SNX29: variants seen among roughly 807,000 people sequenced by gnomAD.
The protein encoded by SNX29 is sorting nexin-29.
Under a neutral mutation model 102.1 loss-of-function variants are expected in SNX29, and 78 were observed. The observed-to-expected ratio is 0.76, with a 90% CI of 0.64 to 0.92. SNX29 has a LOEUF of 0.92. Ranked by LOEUF, SNX29 falls within the 40% of genes least tolerant of loss-of-function variation. The probability of loss-of-function intolerance (pLI) is 0.00; values close to 1 mark genes in which losing one functional copy is unlikely to be tolerated. For synonymous variants in SNX29, 580 were observed against 414.5 expected, an observed-to-expected ratio of 1.40 and a Z score of -4.85; for missense variants, 1,280 against 1,061.7, an observed-to-expected ratio of 1.21 and a Z score of -2.86.
At chr16:12,152,929 G>A (rs998006059) in intron 13 of SNX29, among the ~76,000 whole-genome samples, 7 of 152,152 alleles carry the variant, frequency 4.6e-5, no homozygotes, top group Non-Finnish European at 8.8e-5. Flanking sequence ...CGCACACAGT[G>A]GCAGGGCTGG....
chr16:12,548,607 G>C (rs890821280), intron 20 of SNX29, among the ~76,000 whole-genome samples: 1 of 152,170 alleles, frequency 6.6e-6, no homozygotes. Context: ...CGGGTACTCT[G>C]TCCAAGCCCC....
At chr16:12,290,250 G>C (rs984633468) in intron 15 of SNX29, among the ~76,000 whole-genome samples, 1 of 152,064 alleles carries the variant, frequency 6.6e-6, no homozygotes, top group Non-Finnish European at 1.5e-5. Context: ...ACCTTGCTCT[G>C]AGCATGTTTT....
chr16:12,108,252 G>A (rs75552275), intron 11 of SNX29, among the ~76,000 whole-genome samples: 2,440 of 152,348 alleles, frequency 0.016, 78 homozygotes, highest in African/African-American at 0.056. Context: ...GGAAGGGCCA[G>A]GACTGAGGTG....
intron 14 of SNX29, among the ~76,000 whole-genome samples, chr16:12,267,047 A>G (rs1163992865): frequency 6.6e-6 from 1 of 152,004 alleles, no homozygotes; most frequent in East Asian, 1.9e-4. Flanking sequence ...ACAGTGAGCC[A>G]CTCTGCGCAG....
chr16:12,185,587 C>G (rs1231048650), intron 13 of SNX29, among the ~76,000 whole-genome samples: 1 of 152,192 alleles, frequency 6.6e-6, no homozygotes, highest in Admixed American at 6.5e-5. Context: ...CTCCCTCTGT[C>G]TCTGCTGCAT....
chr16:12,324,701 C>T (rs1228378593), intron 15 of SNX29, among the ~76,000 whole-genome samples: 3 of 152,240 alleles, frequency 2.0e-5, no homozygotes, highest in Middle Eastern at 3.4e-3. Context: ...GCTCTATTCT[C>T]GGCCCCCAGC....
intron 20 of SNX29, among the ~76,000 whole-genome samples, chr16:12,562,306 G>T (rs989857878): frequency 6.6e-6 from 1 of 152,116 alleles, no homozygotes; most frequent in African/African-American, 2.4e-5. Flanking sequence ...CGTTATCGTT[G>T]GCTTTGTCCC....
chr16:11,982,575 G>A (rs764580498), intron 1 of SNX29, among the ~76,000 whole-genome samples: 2 of 151,810 alleles, frequency 1.3e-5, no homozygotes, highest in African/African-American at 2.4e-5. Flanking sequence ...GACTACAGGC[G>A]CTTGCAACCA....
At chr16:12,020,011 T>C (rs2056972221) in intron 3 of SNX29, among the ~76,000 whole-genome samples, 2 of 152,222 alleles carry the variant, frequency 1.3e-5, no homozygotes, top group Non-Finnish European at 2.9e-5. Flanking sequence ...TTTCATCTTA[T>C]GTTATAAAGA....
chr16:12,542,168 C>G (rs140368255), intron 20 of SNX29, among the ~76,000 whole-genome samples: 153 of 152,294 alleles, frequency 1.0e-3, no homozygotes, highest in African/African-American at 3.5e-3. Flanking sequence ...TGCTGGGTGT[C>G]AGGCCCTGTG....
chr16:12,313,432 C>T (rs1454659338), intron 15 of SNX29, among the ~76,000 whole-genome samples: 1 of 152,194 alleles, frequency 6.6e-6, no homozygotes, highest in African/African-American at 2.4e-5. Context: ...AGGATCACCC[C>T]AGGGCCTTTA....
At chr16:12,069,715 C>G (rs1286674164) in intron 10 of SNX29, among the ~76,000 whole-genome samples, 1 of 151,578 alleles carries the variant, frequency 6.6e-6, no homozygotes, top group Non-Finnish European at 1.5e-5. Flanking sequence ...CTTTTTGAGA[C>G]AGTCTCGCTG....
At chr16:12,134,352 TCTGAGGATGG>T (rs762901085) in intron 13 of SNX29, among the ~76,000 whole-genome samples, 3 of 152,230 alleles carry the variant, frequency 2.0e-5, no homozygotes, top group Admixed American at 6.5e-5. Context: ...GAATTAGGAC[TCTGAGGATGG>T]CTTAGCCAGG....
At chr16:12,320,304 G>A (rs1158288355) in intron 15 of SNX29, among the ~76,000 whole-genome samples, 1 of 152,112 alleles carries the variant, frequency 6.6e-6, no homozygotes, top group Non-Finnish European at 1.5e-5. Flanking sequence ...CCCTGCCATT[G>A]GAAGGGGCTT....
chr16:12,565,626 C>G (rs550060934), intron 20 of SNX29, among the ~76,000 whole-genome samples: 5 of 152,176 alleles, frequency 3.3e-5, no homozygotes, highest in Non-Finnish European at 7.4e-5. Flanking sequence ...GTGCCAGGCA[C>G]AGACATGTGA....
chr16:12,032,758 C>T (rs921081190), intron 4 of SNX29, among the ~76,000 whole-genome samples: 9 of 151,884 alleles, frequency 5.9e-5, no homozygotes, highest in African/African-American at 1.2e-4. Flanking sequence ...GAGGGTTTTC[C>T]ATAGAGGCTA....
At chr16:12,184,988 C>T (rs1051752668) in intron 13 of SNX29, among the ~76,000 whole-genome samples, 1 of 152,192 alleles carries the variant, frequency 6.6e-6, no homozygotes, top group African/African-American at 2.4e-5. Context: ...GAGGGGCCAA[C>T]AGCAGTTCTG....
chr16:12,022,585 A>C (rs1213118478), intron 3 of SNX29, among the ~76,000 whole-genome samples: 1 of 152,012 alleles, frequency 6.6e-6, no homozygotes, highest in Non-Finnish European at 1.5e-5. Flanking sequence ...TATCCCCCCA[A>C]ATTCCCTTGT....
chr16:12,027,601 G>A (rs757015969), intron 4 of SNX29, 157 bp downstream of exon 4: 16 of 799,926 alleles, frequency 2.0e-5, no homozygotes, highest in Non-Finnish European at 3.0e-5. Flanking sequence ...TAGTCAAAAC[G>A]TAATGGTGTT....
Sources: allele counts gnomAD v4.1 joint callset (sites outside exome capture counted in the v4.1 genomes callset), GRCh38; gene constraint gnomAD v4.1.1; transcripts MANE v1.5; gene names NCBI Gene and HGNC (gene_info 2026-07-23, HGNC 2026-07-21).